Variants in FBF1 observed in about 807,000 individuals in gnomAD.
FBF1 encodes the protein fas-binding factor 1.
FBF1 carries 119 observed loss-of-function variants against 147.2 expected under a neutral mutation model. That is an observed-to-expected ratio of 0.81 (90% CI 0.70 to 0.94). The LOEUF (loss-of-function observed/expected upper bound fraction) is 0.94. Ranked by LOEUF, FBF1 falls within the 40% of genes least tolerant of loss-of-function variation. The pLI is 0.00. For synonymous variants in FBF1, 601 were observed against 609.0 expected, an observed-to-expected ratio of 0.99 and a Z score of 0.19; for missense variants, 1,449 against 1,500.8, an observed-to-expected ratio of 0.97 and a Z score of 0.57.
intron 2 of FBF1, 186 bp from the exon 3 acceptor site, chr17:75,937,779 G>C: frequency 1.4e-6 from 1 of 704,832 alleles, no homozygotes; most frequent in African/African-American, 1.8e-5. Context: ...TCAGAGCGTG[G>C]AAACAGCCCT....
rs374128711 is a variant in FBF1 at position 75,926,379 on chromosome 17, C to A, written c.643G>T (p.Glu215Ter). The A allele has an allele frequency of 1.9e-5, 31 of 1,606,584 alleles. No homozygotes were observed. The highest frequency in any genetic ancestry group is 2.5e-5 in the Non-Finnish European group (30 of 1,176,480). ...TPGDTPIRKK[E>*]ELLFDDGDDI... is the part of the protein sequence containing the mutation. ...TCCCCATCATCAAACAACAATTCTT[C>A]TTTTTTTCGGATGGGGGTGTCCCCA... Residue 215 changes from glutamate (E) to a stop codon, truncating the protein, a stop_gained, in exon 11 of 30, where the codon GAA becomes TAA. Transcript: ENST00000636174. LOFTEE classifies it high-confidence loss of function.
chr17:75,916,860 T>C (rs1285406102), intron 23 of FBF1, among the ~76,000 whole-genome samples: 1 of 152,244 alleles, frequency 6.6e-6, no homozygotes, highest in Non-Finnish European at 1.5e-5. Flanking sequence ...TTTTATTATT[T>C]ATTTTTTTGA....
chr17:75,927,220 T>C (rs577196041), intron 9 of FBF1, among the ~76,000 whole-genome samples: 31 of 152,380 alleles, frequency 2.0e-4, no homozygotes, highest in African/African-American at 7.5e-4. Flanking sequence ...AAGGGGCTCC[T>C]TCCTATACTT....
Position 75,909,582 on chromosome 17 carries a change from C to T in FBF1, c.*1141G>A, listed in dbSNP as rs777502823. 13 of 474,558 alleles carry T rather than the reference C, an allele frequency of 2.7e-5. No homozygotes were observed. The South Asian group carries it at 4.9e-4, about 18-fold the overall frequency. 29.4% of individuals were successfully genotyped at this position (474,558 alleles called of 1,614,324 possible). A position where few individuals can be genotyped will look rare whatever the true frequency, so the allele number is the denominator to read the frequency against. The stretch of plus-strand genomic sequence containing the variant: ...CAGGCGCAGCTACTCACTGTCATTT[C>T]AGGCAGGTTATTTAATCTCCCCGGG... On this transcript the variant is annotated 3_prime_UTR_variant, in exon 30 of 30. Transcript: ENST00000636174.
Position 75,938,166 on chromosome 17 carries a change from G to A in FBF1, c.-17C>T. The stretch of plus-strand genomic sequence containing the variant: ...GCCTACCATCTCACGGCTCTCGGGG[G>A]TGCTCTCAGCTCCTTCACAGCACTG... On this transcript the variant is annotated 5_prime_UTR_variant, in exon 2 of 30. Transcript: ENST00000636174. The A allele has an allele frequency of 6.2e-7, 1 of 1,613,572 alleles. No homozygotes were observed. Among genetic ancestry groups the A allele is most frequent in the Non-Finnish European group, 8.5e-7 (1 of 1,179,828 alleles).
chr17:75,924,504 C>T (rs1056936846), intron 13 of FBF1, among the ~76,000 whole-genome samples: 2 of 152,234 alleles, frequency 1.3e-5, no homozygotes, highest in Admixed American at 6.5e-5. Flanking sequence ...GACGGAGTCT[C>T]GCTCTATTGC....
chr17:75,937,779 G>A, intron 2 of FBF1, 186 bp from the exon 3 acceptor site: 1 of 704,832 alleles, frequency 1.4e-6, no homozygotes, highest in Non-Finnish European at 2.5e-6. Context: ...TCAGAGCGTG[G>A]AAACAGCCCT....
Position 75,928,333 on chromosome 17 carries a change from CAGTG to C in FBF1, c.280-144_280-141del, listed in dbSNP as rs2065574612. 2 of 699,868 alleles carry C rather than the reference CAGTG, an allele frequency of 2.9e-6. No homozygotes were observed. The highest frequency in any genetic ancestry group is 5.4e-5 in the Admixed American group (2 of 37,334). 43.4% of individuals were successfully genotyped at this position (699,868 alleles called of 1,614,324 possible). Reference sequence around the variant, plus strand: ...AAAATGAGAAAACTGTTGAGAAAAACAGTGAGTGAAGAAAGAAAATGGAACTAAA... The same window carrying C: ...AAAATGAGAAAACTGTTGAGAAAAACAGTGAAGAAAGAAAATGGAACTAAA... On this transcript the variant is annotated intron_variant, in intron 7 of 29. Coordinates refer to ENST00000636174, the MANE Select transcript of FBF1 (RefSeq NM_001319193.2). This position sits in a 1 kb window ranked among gnomAD's most constrained non-coding sequence, Gnocchi z 4.2.
chr17:75,925,286 GC>G lies in FBF1; in HGVS notation c.968+60del. On this transcript the variant is annotated intron_variant, in intron 13 of 29. Coordinates refer to ENST00000636174, the MANE Select transcript of FBF1 (RefSeq NM_001319193.2). This position sits in a 1 kb window ranked among gnomAD's most constrained non-coding sequence, Gnocchi z 5.0. The stretch of plus-strand genomic sequence containing the variant: ...GGTGGGACAGGGGACAGCTGCAGGG[GC>G]CTGTCTTCCCAGTGGCCGACCTGTC... The G allele has an allele frequency of 7.5e-7, 1 of 1,325,160 alleles. No individual in the cohort carries two copies. Among genetic ancestry groups the G allele is most frequent in the Non-Finnish European group, 1.1e-6 (1 of 941,594 alleles). 82.1% of individuals were successfully genotyped at this position (1,325,160 alleles called of 1,614,324 possible).
chr17:75,919,520 C>A lies in FBF1; in HGVS notation c.2138+148G>T, dbSNP rs992496403. 6.8e-6 allele frequency: 6 copies of A among 885,026 alleles called. No individual in the cohort carries two copies. The highest frequency in any genetic ancestry group is 1.0e-5 in the Non-Finnish European group (6 of 585,106). The allele number at this position is 885,026 out of a possible 1,614,324, so 54.8% of individuals were successfully genotyped here. On this transcript the variant is annotated intron_variant, in intron 20 of 29. Coordinates refer to ENST00000636174, the MANE Select transcript of FBF1 (RefSeq NM_001319193.2). The surrounding 1 kb of genome is among the most constrained non-coding windows in gnomAD (Gnocchi z 5.0). ...GGGTGTGATGGGTCAGTGTGCTCAG[C>A]CCTCAGTCCTCACTCACTGGACTGG...
rs779810936 is a variant in FBF1, at chr17:75,925,351, C to G, written c.964G>C (p.Val322Leu). The part of the protein sequence containing the change: ...SEGRQSRRQS[V>L]SRFFADSGAD... Reference sequence around the variant, plus strand: ...CCTCCTGCAGGCCCCACTTACCTGACAGACTGCCGGCGGGACTGCCGGCCC... The same window carrying G: ...CCTCCTGCAGGCCCCACTTACCTGAGAGACTGCCGGCGGGACTGCCGGCCC... Residue 322 changes from valine (V) to leucine (L), a missense_variant, in exon 13 of 30, where the codon GTC (valine) becomes CTC (leucine). Transcript: ENST00000636174. The surrounding 1 kb of genome is among the most constrained non-coding windows in gnomAD (Gnocchi z 5.0). The G allele has an allele frequency of 6.2e-7, 1 of 1,612,554 alleles. No homozygotes were observed. Among genetic ancestry groups the G allele is most frequent in the Admixed American group, 1.7e-5 (1 of 59,790 alleles).
rs1452269361 is a variant in FBF1 at position 75,918,230 on chromosome 17, C to T, written c.2178G>A (p.Gln726=). Residue 726 remains glutamine, a synonymous_variant, in exon 21 of 30, where the codon CAG becomes CAA. Transcript: ENST00000636174. The surrounding 1 kb of genome is among the most constrained non-coding windows in gnomAD (Gnocchi z 5.8). ...CCTTCAGCAGCTTTAGCCGCTGCAG[C>T]TGCTCCTCGTGGTCTCTGCGCATGT... ...ILDMRRDHEE[Q]LQRLKLLKDR... The T allele has an allele frequency of 2.5e-6, 4 of 1,613,392 alleles. No individual in the cohort carries two copies. Among genetic ancestry groups the T allele is most frequent in the Non-Finnish European group, 3.4e-6 (4 of 1,179,868 alleles).
chr17:75,935,377 C>G (rs1050171756), intron 4 of FBF1, among the ~76,000 whole-genome samples: 1 of 152,062 alleles, frequency 6.6e-6, no homozygotes, highest in African/African-American at 2.4e-5. Context: ...CCATGTTGGT[C>G]AGGCTGGTCT....
At chr17:75,932,919 G>T in intron 5 of FBF1, 76 bp downstream of exon 5, 38 of 848,456 alleles carry the variant, frequency 4.5e-5, no homozygotes, top group Non-Finnish European at 6.2e-5. Context: ...ATGTGAAGTA[G>T]AAAGTGGGGG....
rs753018755 is a variant in FBF1 at position 75,919,761 on chromosome 17, G to T, written c.2045C>A (p.Ala682Asp). 8 of 1,613,426 alleles carry T rather than the reference G, an allele frequency of 5.0e-6. No individual in the cohort carries two copies. In the African/African-American group the frequency reaches 1.1e-4, roughly 22 times the overall value. The change falls in exon 20 of 30, where the codon GCC becomes GAC. Residue 682 changes from alanine (A) to aspartate (D), a missense_variant. Transcript: ENST00000636174. This position sits in a 1 kb window ranked among gnomAD's most constrained non-coding sequence, Gnocchi z 5.0. ...GTGCTGGGCCGTAAGCTCAGCACGG[G>T]CCTGTTCGGCCTCCTGGCACTGCGA... The part of the protein sequence containing the change: ...YLSQCQEAEQ[A>D]RAELTAQHQR...
In FBF1 at chr17:75,925,351, C is replaced by T. The variant is rs779810936; in HGVS notation, c.964G>A (p.Val322Ile). 5.0e-6 allele frequency: 8 copies of T among 1,612,554 alleles called. No individual in the cohort carries two copies. Among genetic ancestry groups the T allele is most frequent in the South Asian group, 3.3e-5 (3 of 90,954 alleles). The change falls in exon 13 of 30, where the codon GTC (valine) becomes ATC (isoleucine). Residue 322 changes from valine to isoleucine, a missense_variant. Val to Ile is a conservative substitution (Grantham distance 29, BLOSUM62 3). Transcript: ENST00000636174. This position sits in a 1 kb window ranked among gnomAD's most constrained non-coding sequence, Gnocchi z 5.0. ...SEGRQSRRQSVSRFFADSGAD... is the reference protein window; with the variant it reads ...SEGRQSRRQSISRFFADSGAD... ...CCTCCTGCAGGCCCCACTTACCTGA[C>T]AGACTGCCGGCGGGACTGCCGGCCC... is the stretch of plus-strand genomic sequence containing the variant.
In FBF1 at chr17:75,920,394, C is replaced by T. The variant is rs775061548; in HGVS notation, c.1710G>A (p.Leu570=). 6.2e-6 allele frequency: 10 copies of T among 1,606,924 alleles called. No homozygotes were observed. Among genetic ancestry groups the T allele is most frequent in the African/African-American group, 1.3e-5 (1 of 74,940 alleles). Reference sequence around the variant, plus strand: ...GCTGCTTCTGGTATTCTGTGCTCGGCAGCAGGCTCCGGGCCAGGGACTCTG... The same window carrying T: ...GCTGCTTCTGGTATTCTGTGCTCGGTAGCAGGCTCCGGGCCAGGGACTCTG... ...LLPESLARSL[L]PSTEYQKQLL... is the part of the protein sequence containing the mutation. The change falls in exon 18 of 30, where the codon CTG becomes CTA. Residue 570 remains leucine (L), a synonymous_variant. Coordinates refer to ENST00000636174, the MANE Select transcript of FBF1 (RefSeq NM_001319193.2).
In FBF1 at chr17:75,928,148, T is replaced by C; in HGVS notation, c.325A>G (p.Asn109Asp). 4.3e-6 allele frequency: 7 copies of C among 1,613,858 alleles called. No homozygotes were observed. The highest frequency in any genetic ancestry group is 5.9e-6 in the Non-Finnish European group (7 of 1,179,872). Residue 109 changes from asparagine (N) to aspartate (D), a missense_variant, in exon 8 of 30, where the codon AAT becomes GAT. Transcript: ENST00000636174. The surrounding 1 kb of genome is among the most constrained non-coding windows in gnomAD (Gnocchi z 4.2). ...GCAGCTTTTTTGCTAGGGGCTGAAT[T>C]AGATTTCTTCAGACCTAAGATATCA... ...DADILGLKKS[N>D]SAPSKKAAKD...
Position 75,914,861 on chromosome 17 carries a change from C to A in FBF1, c.2700G>T (p.Glu900Asp). 3.7e-6 allele frequency: 6 copies of A among 1,611,654 alleles called. No homozygotes were observed. Among genetic ancestry groups the A allele is most frequent in the Non-Finnish European group, 5.1e-6 (6 of 1,179,664 alleles). ...CGEERRRLAA[E>D]WAEFSAQQKL... is the part of the protein sequence containing the mutation. ...TTTGCTGCGCGGAGAACTCCGCCCA[C>A]TCGGCAGCCAGGCGCCGCCGCTCCT... The change falls in exon 25 of 30, where the codon GAG becomes GAT. Residue 900 changes from glutamate to aspartate, a missense_variant. Glu to Asp is a conservative substitution (Grantham distance 45). Coordinates refer to ENST00000636174, the MANE Select transcript of FBF1 (RefSeq NM_001319193.2).
Sources: gnomAD v4.1 joint callset for allele counts (sites outside exome capture counted in the v4.1 genomes callset) on GRCh38, gnomAD v4.1.1 for gene constraint, Gnocchi (gnomAD v3.1) non-coding constraint, MANE v1.5 for transcripts, NCBI Gene and HGNC (gene_info 2026-07-23, HGNC 2026-07-21) for gene names.